Variants in SLC7A13 observed in about 807,000 individuals in gnomAD.
SLC7A13 encodes solute carrier family 7 member 13.
Under a neutral mutation model 32.0 loss-of-function variants are expected in SLC7A13, and 31 were observed. The observed-to-expected ratio is 0.97, with a 90% CI of 0.73 to 1.31. The LOEUF is 1.31. Ranked by LOEUF, SLC7A13 falls within the 50% of genes most tolerant of loss-of-function variation. The pLI is 0.00. For missense variants in SLC7A13, 633 were observed against 546.9 expected, an observed-to-expected ratio of 1.16 and a Z score of -1.57; for synonymous variants, 232 against 206.9, an observed-to-expected ratio of 1.12 and a Z score of -1.04.
Position 86,222,021 on chromosome 8 carries a change from C to T in SLC7A13, c.817+951G>A, listed in dbSNP as rs141078325. 3.8e-3 allele frequency among the ~76,000 whole-genome samples: 573 copies of T among 152,244 alleles called. 6 individuals are homozygous for T. The highest frequency in any genetic ancestry group is 0.013 in the African/African-American group (548 of 41,534). On this transcript the variant is annotated intron_variant, in intron 2 of 3. Transcript: ENST00000297524. ...GTTTTTTCCCACAGACACTCAGAAG[C>T]TTGAATCCATCTAGTTTATAGGTCC...
At chr8:86,220,394 C>T (rs755323127) in intron 2 of SLC7A13, among the ~76,000 whole-genome samples, 2 of 152,050 alleles carry the variant, frequency 1.3e-5, no homozygotes, top group Non-Finnish European at 2.9e-5. Flanking sequence ...AGTTGTGAAA[C>T]TTATTCATAA....
In SLC7A13 at chr8:86,214,486, G is replaced by A. The variant is rs749981836; in HGVS notation, c.1340C>T (p.Ala447Val). 9.9e-6 allele frequency: 16 copies of A among 1,612,396 alleles called. No homozygotes were observed. The highest frequency in any genetic ancestry group is 5.9e-6 in the Non-Finnish European group (7 of 1,179,178). ...ATAGCAAGTCATCTTCTCAAACCAA[G>A]CCAATCTTATTTTAAAATGTATTAA... ...IPLIHFKIRL[A>V]WFEKMTCYLQ... The change falls in exon 4 of 4, where the codon GCT becomes GTT. Residue 447 changes from alanine to valine, a missense_variant. Transcript: ENST00000297524.
At position 86,230,232 on chromosome 8, in the gene SLC7A13, A is replaced by G; in HGVS notation, c.46T>C (p.Trp16Arg). The part of the protein sequence containing the change: ...KIQLKRVFGY[W>R]WGTSFLLINI... ...ATAAGCAAAAAACTTGTGCCCCACC[A>G]ATATCCAAACACTCTCTTGAGCTGT... is the stretch of plus-strand genomic sequence containing the variant. Residue 16 changes from tryptophan to arginine, a missense_variant, in exon 1 of 4, where the codon TGG becomes CGG. Trp to Arg is a moderately radical substitution (Grantham distance 101). Coordinates refer to ENST00000297524, the MANE Select transcript of SLC7A13 (RefSeq NM_138817.3). 1 of 1,613,234 alleles carries G rather than the reference A, an allele frequency of 6.2e-7. No individual in the cohort carries two copies. Among genetic ancestry groups the G allele is most frequent in the Non-Finnish European group, 8.5e-7 (1 of 1,179,568 alleles).
chr8:86,221,456 G>T (rs1820295161), intron 2 of SLC7A13, among the ~76,000 whole-genome samples: 1 of 152,082 alleles, frequency 6.6e-6, no homozygotes, highest in African/African-American at 2.4e-5. Flanking sequence ...GACTTAAAAA[G>T]ATTAATTTAG....
intron 3 of SLC7A13, among the ~76,000 whole-genome samples, chr8:86,216,889 G>T (rs1820190162): frequency 6.6e-6 from 1 of 152,162 alleles, no homozygotes; most frequent in Non-Finnish European, 1.5e-5. Flanking sequence ...CTGATAATCA[G>T]ACCGTCAGGG....
intron 1 of SLC7A13, among the ~76,000 whole-genome samples, chr8:86,224,876 T>A (rs961502718): frequency 2.6e-5 from 4 of 152,012 alleles, no homozygotes; most frequent in African/African-American, 9.7e-5. Context: ...TTCTAGAACT[T>A]CCCTATTTTT....
chr8:86,230,313 C>A lies in SLC7A13; in HGVS notation c.-36G>T, dbSNP rs1436116482. The A allele has an allele frequency of 1.1e-5, 16 of 1,487,166 alleles. No individual in the cohort carries two copies. The highest frequency in any genetic ancestry group is 1.4e-5 in the Non-Finnish European group (16 of 1,115,910). 92.1% of individuals were successfully genotyped at this position (1,487,166 alleles called of 1,614,324 possible). A position where few individuals can be genotyped will look rare whatever the true frequency, so the allele number is the denominator to read the frequency against. The stretch of plus-strand genomic sequence containing the variant: ...GAGTTTTAAAATTCTATATAAATTA[C>A]AATTTCTAGATTTTCCTGCCTATGT... On this transcript the variant is annotated 5_prime_UTR_variant, in exon 1 of 4. Coordinates refer to ENST00000297524, the MANE Select transcript of SLC7A13 (RefSeq NM_138817.3).
chr8:86,214,701 C>A, intron 3 of SLC7A13, 55 bp from the exon 4 acceptor site: 1 of 1,204,978 alleles, frequency 8.3e-7, no homozygotes, highest in Non-Finnish European at 1.2e-6. Context: ...TGAATGATAC[C>A]TGCATATTCA....
intron 1 of SLC7A13, among the ~76,000 whole-genome samples, chr8:86,228,118 G>T (rs1403339175): frequency 6.6e-6 from 1 of 152,176 alleles, no homozygotes; most frequent in African/African-American, 2.4e-5. Flanking sequence ...CAGTAAAAGT[G>T]CAAGGCAAAA....
chr8:86,219,536 C>T (rs911432718), intron 2 of SLC7A13, among the ~76,000 whole-genome samples: 5 of 152,168 alleles, frequency 3.3e-5, no homozygotes, highest in African/African-American at 1.2e-4. Context: ...CACCAGCCTC[C>T]CATTCATGCG....
chr8:86,222,910 A>G, intron 2 of SLC7A13, 62 bp downstream of exon 2: 1 of 1,450,852 alleles, frequency 6.9e-7, no homozygotes, highest in South Asian at 1.6e-5. Context: ...TGACTGGTGA[A>G]ATGATAGTTA....
At chr8:86,222,261 C>T (rs990966462) in intron 2 of SLC7A13, among the ~76,000 whole-genome samples, 10 of 152,188 alleles carry the variant, frequency 6.6e-5, no homozygotes, top group Non-Finnish European at 1.0e-4. Context: ...CTTGTGAGGT[C>T]GTTTAATGCT....
Position 86,230,379 on chromosome 8 carries a change from T to A in SLC7A13, c.-102A>T. The A allele has an allele frequency of 8.9e-7, 1 of 1,127,288 alleles. No individual in the cohort carries two copies. Among genetic ancestry groups the A allele is most frequent in the Non-Finnish European group, 1.2e-6 (1 of 820,522 alleles). 69.8% of individuals were successfully genotyped at this position (1,127,288 alleles called of 1,614,324 possible). On this transcript the variant is annotated 5_prime_UTR_variant, in exon 1 of 4. Coordinates refer to ENST00000297524, the MANE Select transcript of SLC7A13 (RefSeq NM_138817.3). ...TGATGGATTCCTGAAATAAAATAATTCTGTCCTTCCTGTTCCATTTTCGTT... is the reference window on the plus strand; with the variant it reads ...TGATGGATTCCTGAAATAAAATAATACTGTCCTTCCTGTTCCATTTTCGTT...
intron 2 of SLC7A13, among the ~76,000 whole-genome samples, chr8:86,218,853 A>G (rs1310218161): frequency 6.6e-6 from 1 of 152,054 alleles, no homozygotes; most frequent in Non-Finnish European, 1.5e-5. Context: ...CAATGGAATG[A>G]GCACAATGGG....
At chr8:86,225,934 A>T (rs551433887) in intron 1 of SLC7A13, among the ~76,000 whole-genome samples, 50 of 151,988 alleles carry the variant, frequency 3.3e-4, no homozygotes, top group African/African-American at 8.7e-4. Flanking sequence ...TTTTTTTTTT[A>T]AAAAGATGGG....
chr8:86,223,793 G>GCACACACACA lies in SLC7A13; in HGVS notation c.686-700_686-691dup, dbSNP rs59737111. On this transcript the variant is annotated intron_variant, in intron 1 of 3. Coordinates refer to ENST00000297524, the MANE Select transcript of SLC7A13 (RefSeq NM_138817.3). ...ACCACCACTACACATACACTAAAATGCACACACACACACACACACACACAC... is the reference window on the plus strand; with the variant it reads ...ACCACCACTACACATACACTAAAATGCACACACACACACACACACACACACACACACACAC... 4.8e-4 allele frequency among the ~76,000 whole-genome samples: 71 copies of GCACACACACA among 147,118 alleles called. 1 individual carries two copies. The highest frequency in any genetic ancestry group is 1.6e-3 in the African/African-American group (64 of 40,036).
chr8:86,214,554 G>C lies in SLC7A13; in HGVS notation c.1272C>G (p.Tyr424Ter), dbSNP rs142400732. Residue 424 changes from tyrosine to a stop codon, truncating the protein, a stop_gained, in exon 4 of 4, where the codon TAC becomes TAG. Transcript: ENST00000297524. LOFTEE classifies it low-confidence loss of function (END_TRUNC). ...ATCCGCTGAGAACTAACAGAAGCAC[G>C]TAGACATAATGCACATTTGGAGACT... ...LVKSPNVHYVYVLLLVLSGLL... is the reference protein window; with the variant it reads ...LVKSPNVHYV 5 of 1,613,494 alleles carry C rather than the reference G, an allele frequency of 3.1e-6. No individual in the cohort carries two copies. In the Admixed American group the frequency reaches 5.0e-5, roughly 16 times the overall value.
intron 1 of SLC7A13, among the ~76,000 whole-genome samples, chr8:86,227,349 T>C (rs1005767734): frequency 6.6e-6 from 1 of 151,408 alleles, no homozygotes; most frequent in Admixed American, 6.6e-5. Context: ...TGAGAAAAAA[T>C]GAAATAAAAG....
At position 86,214,570 on chromosome 8, in the gene SLC7A13, T is replaced by G; in HGVS notation, c.1256A>C (p.Asn419Thr). The change falls in exon 4 of 4, where the codon AAT (asparagine) becomes ACT (threonine). Residue 419 changes from asparagine (N) to threonine (T), a missense_variant. By Grantham distance (65) the Asn-to-Thr change is moderately conservative. Transcript: ENST00000297524. ...LVVIPLVKSPNVHYVYVLLLV... is the reference protein window; with the variant it reads ...LVVIPLVKSPTVHYVYVLLLV... ...CAGAAGCACGTAGACATAATGCACA[T>G]TTGGAGACTTTACCAATGGTATCAC... The G allele has an allele frequency of 6.2e-7, 1 of 1,613,738 alleles. No homozygotes were observed. Among genetic ancestry groups the G allele is most frequent in the Non-Finnish European group, 8.5e-7 (1 of 1,179,852 alleles).
Sources: gnomAD v4.1 joint callset for allele counts (sites outside exome capture counted in the v4.1 genomes callset) on GRCh38, gnomAD v4.1.1 for gene constraint, MANE v1.5 for transcripts, NCBI Gene and HGNC (gene_info 2026-07-23, HGNC 2026-07-21) for gene names.